Variants in ATP11C observed in about 807,000 individuals in gnomAD.
ATP11C encodes the protein phospholipid-transporting ATPase IG.
ATP11C carries 36 observed loss-of-function variants against 97.4 expected under a neutral mutation model. That is an observed-to-expected ratio of 0.37 (90% CI 0.28 to 0.49). ATP11C has a LOEUF of 0.49. Among genes scored for constraint, ATP11C ranks in the 20% least tolerant of loss-of-function variants. The pLI is 0.98. For missense variants in ATP11C, 730 were observed against 824.6 expected (o/e 0.89, Z 1.40); for synonymous variants, 275 against 290.9 (o/e 0.95, Z 0.56).
Position 139,932,075 on chromosome X carries a change from T to G in ATP11C, c.-33A>C. On this transcript the variant is annotated 5_prime_UTR_variant, in exon 1 of 30. Coordinates refer to ENST00000682941, the MANE Select transcript of ATP11C (RefSeq NM_001353812.2). ...AAGGCTGCCGGGCGCTGAGCTGGGC[T>G]CTACCGGGCTGTCTGGGAAGGCGCC... 2 of 1,139,080 alleles carry G rather than the reference T, an allele frequency of 1.8e-6. No individual in the cohort carries two copies. Among genetic ancestry groups the G allele is most frequent in the South Asian group, 4.1e-5 (2 of 48,882 alleles). 93.9% of individuals were successfully genotyped at this position (1,139,080 alleles called of 1,213,427 possible).
intron 12 of ATP11C, among the ~76,000 whole-genome samples, chrX:139,792,009 G>GC (rs2082699286): frequency 9.0e-6 from 1 of 110,873 alleles, no homozygotes; most frequent in Non-Finnish European, 1.9e-5. Context: ...ATGACAAGTG[G>GC]TTCGGGGCCC....
At chrX:139,778,543 G>C (rs991149330) in intron 18 of ATP11C, among the ~76,000 whole-genome samples, 11 of 111,913 alleles carry the variant, frequency 9.8e-5, no homozygotes, top group Non-Finnish European at 1.7e-4. Flanking sequence ...AATACCATCT[G>C]TTAGACAGGG....
chrX:139,780,921 A>G (rs989635254), intron 18 of ATP11C, among the ~76,000 whole-genome samples: 3 of 111,691 alleles, frequency 2.7e-5, no homozygotes, highest in Non-Finnish European at 5.6e-5. Context: ...TGGGGACTCC[A>G]AAAGGGGGAA....
chrX:139,929,300 G>A (rs1003366797), intron 1 of ATP11C, among the ~76,000 whole-genome samples: 2 of 111,606 alleles, frequency 1.8e-5, no homozygotes, highest in Admixed American at 9.5e-5. Flanking sequence ...CCTCAAAACT[G>A]TCAAAAGGAA....
chrX:139,743,177 A>T (rs2081605914), intron 26 of ATP11C, among the ~76,000 whole-genome samples: 1 of 108,775 alleles, frequency 9.2e-6, no homozygotes, highest in South Asian at 3.9e-4. Context: ...TAACATAATC[A>T]CACACACACA....
At chrX:139,781,968 A>G (rs1010786905) in intron 18 of ATP11C, among the ~76,000 whole-genome samples, 34 of 111,326 alleles carry the variant, frequency 3.1e-4, no homozygotes, top group Non-Finnish European at 6.0e-4. Flanking sequence ...ATAGCTTAGT[A>G]AATATTCAAA....
chrX:139,749,518 A>C, intron 24 of ATP11C, among the ~76,000 whole-genome samples: 1 of 112,140 alleles, frequency 8.9e-6, no homozygotes, highest in East Asian at 2.8e-4. Flanking sequence ...TTTTCAACTG[A>C]CACAAAATGA....
At chrX:139,885,006 C>T (rs2084617632) in intron 1 of ATP11C, among the ~76,000 whole-genome samples, 2 of 111,160 alleles carry the variant, frequency 1.8e-5, no homozygotes, top group Non-Finnish European at 3.8e-5. Flanking sequence ...GACAAATGTG[C>T]CACAAATCAA....
At chrX:139,852,536 T>G (rs2084014138) in intron 1 of ATP11C, among the ~76,000 whole-genome samples, 1 of 88,812 alleles carries the variant, frequency 1.1e-5, no homozygotes, top group African/African-American at 4.1e-5. Context: ...AATGACTCTG[T>G]GCGCAGACCA....
At chrX:139,857,370 T>C (rs1394916144) in intron 1 of ATP11C, among the ~76,000 whole-genome samples, 1 of 112,118 alleles carries the variant, frequency 8.9e-6, no homozygotes, top group Admixed American at 9.5e-5. Flanking sequence ...AGAATTAATA[T>C]GTCAGTGTGT....
chrX:139,814,844 A>T, intron 5 of ATP11C, 34 bp downstream of exon 5: 2 of 848,585 alleles, frequency 2.4e-6, no homozygotes, highest in Non-Finnish European at 1.7e-6. Flanking sequence ...GTGTATTTTT[A>T]CCATTAAAAA....
chrX:139,826,678 TC>T, intron 2 of ATP11C, 25 bp downstream of exon 2: 1 of 1,164,391 alleles, frequency 8.6e-7, no homozygotes, highest in South Asian at 1.9e-5. Flanking sequence ...TATATGAACA[TC>T]TATTGAGTTA....
At position 139,814,908 on chromosome X, in the gene ATP11C, C is replaced by T. The variant is rs745633314; in HGVS notation, c.396G>A (p.Lys132=). 2.3e-5 allele frequency: 27 copies of T among 1,179,742 alleles called. No homozygotes were observed. The highest frequency in any genetic ancestry group is 2.9e-5 in the Non-Finnish European group (26 of 881,689). ...KSTVYIIENA[K]RVRKESEKIK... ...TTTTTTCACTTTCTTTTCTCACTCG[C>T]TTTGCATTTTCAATAATGTAAACAG... The change falls in exon 5 of 30, where the codon AAG becomes AAA. Residue 132 remains lysine (K), a synonymous_variant. Transcript: ENST00000682941.
At chrX:139,924,111 C>A (rs1343227100) in intron 1 of ATP11C, 1 of 381,660 alleles carries the variant, frequency 2.6e-6, no homozygotes, top group Non-Finnish European at 5.3e-6. Flanking sequence ...TAACAAAAGT[C>A]CAAAAGTCAG....
intron 5 of ATP11C, among the ~76,000 whole-genome samples, chrX:139,807,960 A>T (rs775836731): frequency 5.6e-4 from 62 of 110,377 alleles, no homozygotes; most frequent in African/African-American, 2.0e-3. Context: ...TCTTAAAAAA[A>T]AAAAAAAAAA....
At position 139,816,900 on chromosome X, in the gene ATP11C, G is replaced by T; in HGVS notation, c.281C>A (p.Pro94Gln). The T allele has an allele frequency of 8.3e-7, 1 of 1,203,090 alleles. No individual in the cohort carries two copies. The stretch of plus-strand genomic sequence containing the variant: ...TGTAACAGTTATAACAAAGAAAAGT[G>T]GAAGTCCACTGGTAACTGGGCTAGT... ...TPTSPVTSGL[P>Q]LFFVITVTAI... is the part of the protein sequence containing the mutation. Residue 94 changes from proline to glutamine, a missense_variant, in exon 4 of 30, where the codon CCA becomes CAA. Coordinates refer to ENST00000682941, the MANE Select transcript of ATP11C (RefSeq NM_001353812.2).
intron 1 of ATP11C, among the ~76,000 whole-genome samples, chrX:139,877,420 T>C (rs981846525): frequency 5.4e-5 from 6 of 111,755 alleles, no homozygotes; most frequent in Non-Finnish European, 1.1e-4. Flanking sequence ...CTAAATAATA[T>C]ATGCGGCTAA....
At chrX:139,934,888 T>A (rs1190637693), upstream of ATP11C, among the ~76,000 whole-genome samples, 2 of 111,680 alleles carry the variant, frequency 1.8e-5, no homozygotes, top group Non-Finnish European at 3.8e-5. Context: ...ATACTGTAAT[T>A]TCTTCACTAG....
intron 2 of ATP11C, among the ~76,000 whole-genome samples, chrX:139,821,375 A>G (rs2083405942): frequency 8.9e-6 from 1 of 112,344 alleles, no homozygotes; most frequent in Non-Finnish European, 1.9e-5. Context: ...GTCACTTTGA[A>G]GCTGACATAG....
Sources: allele counts gnomAD v4.1 joint callset (sites outside exome capture counted in the v4.1 genomes callset), GRCh38; gene constraint gnomAD v4.1.1; transcripts MANE v1.5; gene names NCBI Gene and HGNC (gene_info 2026-07-23, HGNC 2026-07-21).